The following MCU variants were observed in gnomAD, a reference collection of about 807,000 sequenced individuals.
MCU encodes the protein calcium uniporter protein, mitochondrial.
MCU carries 12 observed loss-of-function variants against 45.2 expected under a neutral mutation model. That is an observed-to-expected ratio of 0.27 (90% CI 0.17 to 0.43). The LOEUF (loss-of-function observed/expected upper bound fraction) is 0.43. MCU is among the 20% of genes least tolerant of loss of function. MCU has a pLI of 1.00. For missense variants in MCU, 324 were observed against 436.7 expected (o/e 0.74, Z 2.30); for synonymous variants, 160 against 165.1 (o/e 0.97, Z 0.24).
intron 1 of MCU, among the ~76,000 whole-genome samples, chr10:72,810,028 G>A (rs577636641): frequency 6.6e-6 from 1 of 152,052 alleles, no homozygotes; most frequent in Admixed American, 6.6e-5. Flanking sequence ...GTGTTTGTAT[G>A]TGTGTGCGCG....
chr10:72,791,352 C>G (rs550801275), intron 1 of MCU, among the ~76,000 whole-genome samples: 5 of 152,144 alleles, frequency 3.3e-5, no homozygotes, highest in Non-Finnish European at 7.4e-5. Flanking sequence ...GACTGTAAAC[C>G]GTATCCATTA....
At chr10:72,784,089 C>G (rs990801702) in intron 1 of MCU, among the ~76,000 whole-genome samples, 6 of 152,194 alleles carry the variant, frequency 3.9e-5, no homozygotes, top group African/African-American at 1.4e-4. Flanking sequence ...GATGGTGTAG[C>G]TCCTTGCTTA....
chr10:72,742,046 CAAAA>C, intron 1 of MCU, among the ~76,000 whole-genome samples: 1 of 100,128 alleles, frequency 1.0e-5, no homozygotes, highest in African/African-American at 3.8e-5. Context: ...AAAAAAAAAA[CAAAA>C]ACGACATTGC....
At chr10:72,699,756 C>T (rs1016651040) in intron 1 of MCU, among the ~76,000 whole-genome samples, 3 of 151,526 alleles carry the variant, frequency 2.0e-5, no homozygotes, top group Non-Finnish European at 4.4e-5. Context: ...CGCCCCCTGC[C>T]GATTTTTGTA....
At chr10:72,785,645 G>A (rs1464745028) in intron 1 of MCU, among the ~76,000 whole-genome samples, 1 of 152,156 alleles carries the variant, frequency 6.6e-6, no homozygotes, top group African/African-American at 2.4e-5. Flanking sequence ...AAATTCTCCT[G>A]CTGGCTCATT....
chr10:72,801,253 A>G (rs1370337611), intron 1 of MCU, among the ~76,000 whole-genome samples: 3 of 151,962 alleles, frequency 2.0e-5, no homozygotes, highest in Non-Finnish European at 4.4e-5. Context: ...ACTATCACCT[A>G]TTAAGGTAAG....
chr10:72,885,809 G>GTGA lies in MCU; in HGVS notation c.1044_1046dup (p.Gly348_Glu349insAsp), dbSNP rs748817962. The GTGA allele has an allele frequency of 5.6e-5, 90 of 1,613,454 alleles. No individual in the cohort carries two copies. The highest frequency in any genetic ancestry group is 7.0e-5 in the Non-Finnish European group (83 of 1,179,614). On this transcript the variant is annotated inframe_insertion, in exon 8 of 8. Coordinates refer to ENST00000373053, the MANE Select transcript of MCU (RefSeq NM_138357.3). ...GTACATCTGCCTCTCCGACAAATTG[G>GTGA]TGAAAAAGATTGATCTGCAAAAAGC...
At chr10:72,707,835 TTTTTA>T (rs1842843117) in intron 1 of MCU, among the ~76,000 whole-genome samples, 1 of 152,134 alleles carries the variant, frequency 6.6e-6, no homozygotes, top group Admixed American at 6.5e-5. Flanking sequence ...GGGCTTTTAA[TTTTTA>T]TTTTATTTAT....
In MCU at chr10:72,751,501, T is replaced by C. The variant is rs558405924; in HGVS notation, c.150+59200T>C. Among the ~76,000 whole-genome samples, 155 of 150,138 alleles carry C rather than the reference T, an allele frequency of 1.0e-3. 1 individual carries two copies. In the Middle Eastern group the frequency reaches 0.01, roughly 10 times the overall value. ...TCCTGAGTAGCTGGGACTACAGGCATGCACCACAATGCCTGGCTAATTTTT... is the reference window on the plus strand; with the variant it reads ...TCCTGAGTAGCTGGGACTACAGGCACGCACCACAATGCCTGGCTAATTTTT... On this transcript the variant is annotated intron_variant, in intron 1 of 7. Coordinates refer to ENST00000373053, the MANE Select transcript of MCU (RefSeq NM_138357.3).
At chr10:72,734,751 C>A (rs1305802121) in intron 1 of MCU, among the ~76,000 whole-genome samples, 1 of 151,836 alleles carries the variant, frequency 6.6e-6, no homozygotes, top group East Asian at 1.9e-4. Context: ...GTAGCTAGGA[C>A]CAAAGGCGTG....
chr10:72,799,597 C>T (rs778674511), intron 1 of MCU, among the ~76,000 whole-genome samples: 33 of 151,770 alleles, frequency 2.2e-4, no homozygotes, highest in Non-Finnish European at 4.4e-4. Flanking sequence ...GCAGGGATTA[C>T]AGGTACATGC....
At chr10:72,780,127 A>G (rs1564554555) in intron 1 of MCU, among the ~76,000 whole-genome samples, 1 of 152,230 alleles carries the variant, frequency 6.6e-6, no homozygotes, top group Non-Finnish European at 1.5e-5. Flanking sequence ...GACACATACT[A>G]TAACCCAGAT....
intron 1 of MCU, among the ~76,000 whole-genome samples, chr10:72,722,750 C>CT (rs1384488266): frequency 1.3e-5 from 2 of 151,960 alleles, no homozygotes; most frequent in African/African-American, 2.4e-5. Context: ...AAATCTGTTT[C>CT]TTTTTTATGA....
intron 1 of MCU, among the ~76,000 whole-genome samples, chr10:72,706,078 T>A (rs963528465): frequency 1.3e-5 from 2 of 152,226 alleles, no homozygotes; most frequent in Non-Finnish European, 2.9e-5. Context: ...ATTAGAAGAA[T>A]GCTTTTGAGT....
intron 1 of MCU, among the ~76,000 whole-genome samples, chr10:72,709,512 T>C (rs1343011248): frequency 6.6e-6 from 1 of 152,190 alleles, no homozygotes; most frequent in African/African-American, 2.4e-5. Flanking sequence ...TCTCTCTTTC[T>C]CCCTTTTTCC....
intron 1 of MCU, chr10:72,692,680 T>C: frequency 8.3e-7 from 1 of 1,209,564 alleles, no homozygotes. Flanking sequence ...AGTTGTCCCC[T>C]TTCCCTCCTC....
intron 1 of MCU, among the ~76,000 whole-genome samples, chr10:72,788,645 A>T (rs1844113165): frequency 6.6e-6 from 1 of 152,174 alleles, no homozygotes; most frequent in Non-Finnish European, 1.5e-5. Context: ...CTGTCTAAAA[A>T]AACAAAAACC....
At chr10:72,712,695 G>T (rs1400333470) in intron 1 of MCU, among the ~76,000 whole-genome samples, 1 of 152,198 alleles carries the variant, frequency 6.6e-6, no homozygotes, top group South Asian at 2.1e-4. Context: ...GGTAGTTGGT[G>T]TGAAATAAAT....
chr10:72,865,712 T>C (rs968667945), intron 4 of MCU, among the ~76,000 whole-genome samples: 3 of 151,072 alleles, frequency 2.0e-5, no homozygotes, highest in African/African-American at 7.3e-5. Flanking sequence ...GCAAATTTTT[T>C]ATTTTTTGTA....
Sources: allele counts gnomAD v4.1 joint callset (sites outside exome capture counted in the v4.1 genomes callset), GRCh38; gene constraint gnomAD v4.1.1; transcripts MANE v1.5; gene names NCBI Gene and HGNC (gene_info 2026-07-23, HGNC 2026-07-21).